Variants in ABTB3 observed in about 807,000 individuals in gnomAD.
ABTB3 encodes the protein ankyrin repeat- and BTB/POZ domain-containing protein 3.
At chr12:107,477,715 A>T in the ABTB3 span, among the ~76,000 whole-genome samples, 2 of 152,224 alleles carry the variant, frequency 1.3e-5, no homozygotes, top group African/African-American at 4.8e-5. Flanking sequence ...CTATGGCAAG[A>T]TAAACTAAAT....
the ABTB3 span, among the ~76,000 whole-genome samples, chr12:107,537,308 G>A: frequency 6.6e-6 from 1 of 152,114 alleles, no homozygotes; most frequent in Admixed American, 6.5e-5. Flanking sequence ...AAGTTCTAAT[G>A]TTCTATTCCA....
chr12:107,646,905 G>T, the ABTB3 span, among the ~76,000 whole-genome samples: 54,034 of 151,854 alleles, frequency 0.36, 9,749 homozygotes, highest in Middle Eastern at 0.44. Flanking sequence ...CAGAAGGAGC[G>T]GGCGGAGCTC....
At chr12:107,615,217 C>A in the ABTB3 span, 1 of 1,401,156 alleles carries the variant, frequency 7.1e-7, no homozygotes, top group Non-Finnish European at 1.0e-6. Flanking sequence ...TCTTCCATAA[C>A]ACACATCTAT....
chr12:107,377,450 T>TGTG, the ABTB3 span, among the ~76,000 whole-genome samples: 4 of 136,426 alleles, frequency 2.9e-5, no homozygotes. Flanking sequence ...TGTGTGTGTG[T>TGTG]CCCATGTATA....
chr12:107,580,790 C>CCTG, the ABTB3 span: 2 of 1,493,276 alleles, frequency 1.3e-6, no homozygotes, highest in Non-Finnish European at 1.8e-6. Flanking sequence ...CGCTCCAGAC[C>CCTG]CTGCGCTTGG....
the ABTB3 span, among the ~76,000 whole-genome samples, chr12:107,461,901 T>G: frequency 6.6e-6 from 1 of 152,178 alleles, no homozygotes; most frequent in African/African-American, 2.4e-5. Context: ...TCAAATATGC[T>G]GATGAATAAA....
At chr12:107,541,157 C>T in the ABTB3 span, among the ~76,000 whole-genome samples, 2 of 152,326 alleles carry the variant, frequency 1.3e-5, no homozygotes, top group Middle Eastern at 3.4e-3. Context: ...GTAGTGGCCC[C>T]TCCCTCAGAC....
the ABTB3 span, among the ~76,000 whole-genome samples, chr12:107,336,034 C>T: frequency 2.0e-5 from 3 of 152,328 alleles, no homozygotes; most frequent in South Asian, 2.1e-4. Flanking sequence ...AAAGCTTGTT[C>T]GTGTTCCTCC....
chr12:107,520,755 C>A, the ABTB3 span: 1 of 1,298,858 alleles, frequency 7.7e-7, no homozygotes. Flanking sequence ...AGCGGGGTGA[C>A]ACCTTTTATT....
At chr12:107,646,209 G>A in the ABTB3 span, among the ~76,000 whole-genome samples, 3 of 152,212 alleles carry the variant, frequency 2.0e-5, no homozygotes, top group East Asian at 3.9e-4. Flanking sequence ...CCACAAACAG[G>A]CCCATTAGCC....
the ABTB3 span, among the ~76,000 whole-genome samples, chr12:107,498,778 C>T: frequency 2.0e-5 from 3 of 152,116 alleles, no homozygotes. Flanking sequence ...TTAATTCCAC[C>T]CACTACCTTG....
At chr12:107,411,806 C>G in the ABTB3 span, among the ~76,000 whole-genome samples, 1 of 152,150 alleles carries the variant, frequency 6.6e-6, no homozygotes, top group Non-Finnish European at 1.5e-5. Flanking sequence ...ACCCTGTGAG[C>G]TCTCCAAATT....
the ABTB3 span, among the ~76,000 whole-genome samples, chr12:107,478,173 A>G: frequency 6.6e-6 from 1 of 152,150 alleles, no homozygotes; most frequent in Non-Finnish European, 1.5e-5. Flanking sequence ...CACTCCTACA[A>G]TTGTGTCAGT....
the ABTB3 span, among the ~76,000 whole-genome samples, chr12:107,539,397 G>A: frequency 3.9e-5 from 6 of 152,254 alleles, no homozygotes; most frequent in East Asian, 3.9e-4. Flanking sequence ...GTGAATGCCC[G>A]GAGGCAGGCA....
chr12:107,390,829 A>G, the ABTB3 span, among the ~76,000 whole-genome samples: 4 of 152,218 alleles, frequency 2.6e-5, no homozygotes, highest in African/African-American at 9.6e-5. Context: ...TGGGCTTCAC[A>G]GGGCTATAAG....
the ABTB3 span, among the ~76,000 whole-genome samples, chr12:107,449,205 A>G: frequency 6.6e-6 from 1 of 152,224 alleles, no homozygotes; most frequent in Non-Finnish European, 1.5e-5. Flanking sequence ...CAGGAAGCCC[A>G]GGTAACATCA....
the ABTB3 span, among the ~76,000 whole-genome samples, chr12:107,398,235 G>A: frequency 6.6e-6 from 1 of 152,026 alleles, no homozygotes. Context: ...ACACCACCCT[G>A]GGAGGCAGCA....
chr12:107,387,657 C>T, the ABTB3 span, among the ~76,000 whole-genome samples: 48 of 152,186 alleles, frequency 3.2e-4, 1 homozygote. Context: ...TATCTTAAAG[C>T]AATTGCTCTG....
the ABTB3 span, among the ~76,000 whole-genome samples, chr12:107,411,825 G>A: frequency 1.1e-4 from 16 of 151,984 alleles, no homozygotes; most frequent in African/African-American, 1.9e-4. Flanking sequence ...TTCCAGCTGC[G>A]GCTTGATCTA....
Sources: allele counts gnomAD v4.1 joint callset (sites outside exome capture counted in the v4.1 genomes callset), GRCh38; gene constraint gnomAD v4.1.1; transcripts MANE v1.5; gene names NCBI Gene and HGNC (gene_info 2026-07-23, HGNC 2026-07-21).